MED23: variants seen among roughly 807,000 people sequenced by gnomAD.
MED23 encodes mediator of RNA polymerase II transcription subunit 23.
A neutral mutation model predicts 163.9 loss-of-function variants in MED23; 105 were observed. The observed-to-expected ratio is 0.64, with a 90% confidence interval of 0.55 to 0.75. The LOEUF (loss-of-function observed/expected upper bound fraction) is 0.75. Ranked by LOEUF, MED23 falls within the 30% of genes least tolerant of loss-of-function variation. MED23 has a pLI of 0.00. For synonymous variants in MED23, 561 were observed against 565.6 expected, an observed-to-expected ratio of 0.99 and a Z score of 0.12; for missense variants, 1,054 against 1,649.0, an observed-to-expected ratio of 0.64 and a Z score of 6.25.
intron 11 of MED23, among the ~76,000 whole-genome samples, chr6:131,608,874 AAT>A (rs996700620): frequency 3.3e-5 from 5 of 152,182 alleles, no homozygotes; most frequent in Non-Finnish European, 7.3e-5. Context: ...TTTGACAAAA[AAT>A]GTCTTTTCCC....
intron 9 of MED23, among the ~76,000 whole-genome samples, chr6:131,618,184 C>G (rs1585555762): frequency 6.6e-6 from 1 of 152,168 alleles, no homozygotes; most frequent in African/African-American, 2.4e-5. Flanking sequence ...TTTCTCACCT[C>G]CAAATACTTT....
chr6:131,602,814 C>G (rs778033763), intron 16 of MED23, among the ~76,000 whole-genome samples: 9 of 151,910 alleles, frequency 5.9e-5, no homozygotes, highest in Non-Finnish European at 1.0e-4. Context: ...TCCAAAGATC[C>G]TGAAGGAAGG....
Position 131,587,542 on chromosome 6 carries a change from G to C in MED23, c.*137C>G. 7.9e-6 allele frequency: 12 copies of C among 1,514,952 alleles called. No individual in the cohort carries two copies. Among genetic ancestry groups the C allele is most frequent in the Non-Finnish European group, 1.1e-5 (12 of 1,131,666 alleles). The allele number at this position is 1,514,952 out of a possible 1,614,324, so 93.8% of individuals were successfully genotyped here. On this transcript the variant is annotated 3_prime_UTR_variant, in exon 29 of 29. Coordinates refer to ENST00000368068, the MANE Select transcript of MED23 (RefSeq NM_004830.4). ...TAAGGTGTCAACAGATTCATCATTT[G>C]AATCAAAATAAAACAATCTGAATAT...
intron 14 of MED23, among the ~76,000 whole-genome samples, chr6:131,604,581 A>C (rs1220152847): frequency 6.6e-6 from 1 of 152,178 alleles, no homozygotes; most frequent in African/African-American, 2.4e-5. Context: ...TCAACTCATA[A>C]GAGCATGCTT....
intron 17 of MED23, among the ~76,000 whole-genome samples, chr6:131,601,127 C>T (rs1775448106): frequency 1.3e-5 from 2 of 151,700 alleles, no homozygotes; most frequent in African/African-American, 2.4e-5. Flanking sequence ...CAGACATTTT[C>T]TTGAAAATTA....
downstream of MED23, chr6:131,583,719 A>G (rs777241666): frequency 6.8e-5 from 110 of 1,609,300 alleles, 1 homozygote; most frequent in South Asian, 1.1e-3. Context: ...TATAAATTAC[A>G]TTATTACAAT....
At position 131,607,985 on chromosome 6, in the gene MED23, T is replaced by C. The variant is rs764133073; in HGVS notation, c.1164A>G (p.Ala388=). The change falls in exon 12 of 29, where the codon GCA becomes GCG. Residue 388 remains alanine, a synonymous_variant. Transcript: ENST00000368068. ...TCATCACAGGGAGAAAATCAGCTAG[T>C]GCATTTTTCTGAATACTTCCAGAAA... is the stretch of plus-strand genomic sequence containing the variant. ...QFISGSIQKN[A]LADFLPVMKL... The C allele has an allele frequency of 1.9e-6, 3 of 1,613,958 alleles. No homozygotes were observed. Among genetic ancestry groups the C allele is most frequent in the South Asian group, 1.1e-5 (1 of 91,086 alleles).
chr6:131,592,723 A>G (rs996803917), intron 24 of MED23: 5 of 599,232 alleles, frequency 8.3e-6, no homozygotes, highest in Non-Finnish European at 1.2e-5. Flanking sequence ...TGAAAACAAG[A>G]TGAAGAGAAT....
At chr6:131,613,871 G>A (rs1776454942) in intron 10 of MED23, among the ~76,000 whole-genome samples, 1 of 152,050 alleles carries the variant, frequency 6.6e-6, no homozygotes, top group African/African-American at 2.4e-5. Context: ...AGTTTGAGAA[G>A]AGCTGCCCGC....
chr6:131,620,273 CTG>C (rs1464380242), intron 7 of MED23, among the ~76,000 whole-genome samples: 1 of 152,160 alleles, frequency 6.6e-6, no homozygotes, highest in East Asian at 1.9e-4. Flanking sequence ...ATTAATATAA[CTG>C]TTTTTTATAA....
At chr6:131,604,105 C>T in intron 15 of MED23, 73 bp downstream of exon 15, 1 of 1,525,022 alleles carries the variant, frequency 6.6e-7, no homozygotes, top group Non-Finnish European at 9.1e-7. Flanking sequence ...GCTGTGTCCC[C>T]AGGACCTAGA....
At chr6:131,618,921 T>C (rs571603015) in intron 8 of MED23, among the ~76,000 whole-genome samples, 32 of 152,184 alleles carry the variant, frequency 2.1e-4, no homozygotes, top group Non-Finnish European at 3.4e-4. Flanking sequence ...ACATGGCCCT[T>C]TACAGGAAAA....
At chr6:131,574,046 C>G in exon 31 of MED23, 1 of 549,588 alleles carries the variant, frequency 1.8e-6, no homozygotes, top group Non-Finnish European at 3.3e-6. Flanking sequence ...TCCACACATG[C>G]CAGCAACATT....
intron 10 of MED23, among the ~76,000 whole-genome samples, chr6:131,611,977 A>C (rs1776308409): frequency 6.6e-6 from 1 of 152,150 alleles, no homozygotes; most frequent in South Asian, 2.1e-4. Context: ...TCATACAGTT[A>C]ATGATTTTAA....
At chr6:131,614,360 C>T (rs1329517016) in intron 10 of MED23, among the ~76,000 whole-genome samples, 2 of 152,190 alleles carry the variant, frequency 1.3e-5, no homozygotes, top group Admixed American at 6.5e-5. Context: ...AATGGAAGCA[C>T]TGGCACAACC....
chr6:131,584,363 AACACACACACACACACACAC>A (rs3138772), downstream of MED23: 1 of 158,236 alleles, frequency 6.3e-6, no homozygotes, highest in Non-Finnish European at 1.4e-5. Context: ...AAATACATGC[AACACACACACACACACACAC>A]ACACACACAC....
rs571359984 is a variant in MED23, at chr6:131,628,033, T to C, written c.17A>G (p.Gln6Arg). METQL[Q>R]SIFEEVVKTE... ...CACCACCACCTCTTCGAAAATGCTC[T>C]GCAGTTGCGTCTCCATCTGTACTAT... The change falls in exon 1 of 29, where the codon CAG (glutamine) becomes CGG (arginine). Residue 6 changes from glutamine to arginine, a missense_variant. Transcript: ENST00000368068. 1 of 1,614,062 alleles carries C rather than the reference T, an allele frequency of 6.2e-7. No individual in the cohort carries two copies. Among genetic ancestry groups the C allele is most frequent in the Admixed American group, 1.7e-5 (1 of 60,028 alleles).
intron 16 of MED23, among the ~76,000 whole-genome samples, chr6:131,602,657 A>AT: frequency 6.6e-6 from 1 of 152,240 alleles, no homozygotes; most frequent in East Asian, 1.9e-4. Flanking sequence ...CAAAAATTAT[A>AT]TTTTTCTATC....
intron 8 of MED23, among the ~76,000 whole-genome samples, chr6:131,619,174 A>T (rs1476864152): frequency 6.6e-6 from 1 of 152,160 alleles, no homozygotes; most frequent in Non-Finnish European, 1.5e-5. Context: ...AAAGCTAGAA[A>T]CCTGATAATT....
Sources: allele counts gnomAD v4.1 joint callset (sites outside exome capture counted in the v4.1 genomes callset), GRCh38; gene constraint gnomAD v4.1.1; transcripts MANE v1.5; gene names NCBI Gene and HGNC (gene_info 2026-07-23, HGNC 2026-07-21).